Variants in SNX25 observed in about 807,000 individuals in gnomAD.
SNX25 encodes sorting nexin 25.
A neutral mutation model predicts 113.7 loss-of-function variants in SNX25; 62 were observed. The observed-to-expected ratio is 0.55, with a 90% confidence interval of 0.44 to 0.67. SNX25 has a LOEUF of 0.67. Among genes scored for constraint, SNX25 ranks in the 30% least tolerant of loss-of-function variants. The pLI, the probability that SNX25 is intolerant of heterozygous loss-of-function variation, is 0.00. For missense variants in SNX25, 1,014 were observed against 1,161.0 expected (o/e 0.87, Z 1.84); for synonymous variants, 421 against 436.2 (o/e 0.97, Z 0.43).
intron 1 of SNX25, among the ~76,000 whole-genome samples, chr4:185,245,528 G>A (rs1417372056): frequency 1.3e-5 from 2 of 152,012 alleles, no homozygotes; most frequent in African/African-American, 4.8e-5. Flanking sequence ...AGTAGAGACG[G>A]GGGTCTCACT....
Position 185,346,706 on chromosome 4 carries a change from A to G in SNX25, c.2301+56A>G, listed in dbSNP as rs780723617. On this transcript the variant is annotated intron_variant, in intron 13 of 18. Transcript: ENST00000652585. The stretch of plus-strand genomic sequence containing the variant: ...GAAAAAATTAGTTATTTAGGGTTAA[A>G]CTGTCATCATTCTACGAGCTTGGTA... The G allele has an allele frequency of 1.4e-4, 154 of 1,124,336 alleles. No homozygotes were observed. The Middle Eastern group carries it at 4.3e-3, about 31-fold the overall frequency. The allele number at this position is 1,124,336 out of a possible 1,614,324, so 69.6% of individuals were successfully genotyped here. A position where few individuals can be genotyped will look rare whatever the true frequency, so the allele number is the denominator to read the frequency against.
chr4:185,312,779 C>T (rs925106183), intron 7 of SNX25, among the ~76,000 whole-genome samples: 3 of 152,192 alleles, frequency 2.0e-5, no homozygotes, highest in African/African-American at 7.2e-5. Context: ...CCCACCTCAG[C>T]ATTCCAGTGT....
intron 5 of SNX25, among the ~76,000 whole-genome samples, chr4:185,272,778 TGAG>T (rs1200377052): frequency 6.6e-6 from 1 of 152,224 alleles, no homozygotes; most frequent in Non-Finnish European, 1.5e-5. Context: ...GAAACTCTGT[TGAG>T]GAGAATATTG....
chr4:185,347,967 A>G (rs1169135394), intron 13 of SNX25, among the ~76,000 whole-genome samples: 1 of 152,110 alleles, frequency 6.6e-6, no homozygotes, highest in Non-Finnish European at 1.5e-5. Flanking sequence ...AGCCCACTTT[A>G]TCATTTTTTT....
chr4:185,338,350 C>G (rs1325742532), intron 10 of SNX25, among the ~76,000 whole-genome samples: 2 of 151,164 alleles, frequency 1.3e-5, no homozygotes, highest in Admixed American at 1.3e-4. Flanking sequence ...ATCTCGGCTC[C>G]CTGCAACCTC....
At chr4:185,322,019 C>A (rs956011183) in intron 8 of SNX25, among the ~76,000 whole-genome samples, 1 of 152,204 alleles carries the variant, frequency 6.6e-6, no homozygotes, top group African/African-American at 2.4e-5. Context: ...TAGAACCAAT[C>A]TTCCATAGAT....
chr4:185,370,672 C>T (rs753922441), downstream of SNX25: 8 of 1,613,958 alleles, frequency 5.0e-6, no homozygotes, highest in South Asian at 3.3e-5. Context: ...GTTGTTTCAT[C>T]CCTGGTGATG....
At chr4:185,299,161 GC>G (rs903530294) in intron 6 of SNX25, among the ~76,000 whole-genome samples, 1 of 152,198 alleles carries the variant, frequency 6.6e-6, no homozygotes, top group African/African-American at 2.4e-5. Context: ...AGTCATAAAG[GC>G]GAGAGGCTCT....
chr4:185,217,622 T>C (rs3112890), intron 1 of SNX25, among the ~76,000 whole-genome samples: 96,006 of 151,898 alleles, frequency 0.63, 30,545 homozygotes, highest in East Asian at 0.73. Flanking sequence ...GATGTCACAT[T>C]GGTAATGGTA....
rs529607216 is a variant in SNX25, at chr4:185,220,043, A to G, written c.429+9788A>G. Among the ~76,000 whole-genome samples the G allele has an allele frequency of 2.6e-5, 4 of 151,186 alleles. No individual in the cohort carries two copies. In the South Asian group the frequency reaches 8.3e-4, roughly 31 times the overall value. ...GGTCATTCTTGAGGTCTCATTCTTCATTCTGTTACTTTAGGGCAGTCTCAA... is the reference window on the plus strand; with the variant it reads ...GGTCATTCTTGAGGTCTCATTCTTCGTTCTGTTACTTTAGGGCAGTCTCAA... On this transcript the variant is annotated intron_variant, in intron 1 of 18. Transcript: ENST00000652585.
intron 2 of SNX25, among the ~76,000 whole-genome samples, chr4:185,251,969 T>G (rs150172120): frequency 3.9e-5 from 6 of 152,170 alleles, no homozygotes; most frequent in African/African-American, 1.4e-4. Context: ...CTTTTTTTTT[T>G]CTTTTTTTTT....
At chr4:185,242,931 C>T (rs1305787600) in intron 1 of SNX25, among the ~76,000 whole-genome samples, 1 of 152,128 alleles carries the variant, frequency 6.6e-6, no homozygotes, top group Non-Finnish European at 1.5e-5. Context: ...TTATTTTTGG[C>T]CCATGAGGTG....
chr4:185,349,076 TC>T (rs1197992620), intron 13 of SNX25, among the ~76,000 whole-genome samples: 2 of 152,158 alleles, frequency 1.3e-5, no homozygotes, highest in African/African-American at 4.8e-5. Flanking sequence ...ATCATGTATA[TC>T]GGGGGGTTCG....
intron 6 of SNX25, among the ~76,000 whole-genome samples, chr4:185,305,455 A>T (rs576580017): frequency 5.3e-5 from 8 of 152,240 alleles, no homozygotes; most frequent in African/African-American, 1.4e-4. Flanking sequence ...ATTTTAATCC[A>T]GTTGTACTAT....
chr4:185,372,101 T>G (rs2095418144), downstream of SNX25, among the ~76,000 whole-genome samples: 1 of 152,236 alleles, frequency 6.6e-6, no homozygotes, highest in East Asian at 1.9e-4. Context: ...CTTTTAACCA[T>G]ATTCTCATGT....
At chr4:185,345,661 C>T (rs914249157) in intron 12 of SNX25, among the ~76,000 whole-genome samples, 1 of 151,846 alleles carries the variant, frequency 6.6e-6, no homozygotes, top group Non-Finnish European at 1.5e-5. Flanking sequence ...CATGGTGGTG[C>T]ATGCTTGTAG....
In SNX25 at chr4:185,215,466, A is replaced by G. The variant is rs560278656; in HGVS notation, c.429+5211A>G. Among the ~76,000 whole-genome samples, 11 of 152,316 alleles carry G rather than the reference A, an allele frequency of 7.2e-5. No individual in the cohort carries two copies. The South Asian group carries it at 2.1e-3, about 29-fold the overall frequency. On this transcript the variant is annotated intron_variant, in intron 1 of 18. Coordinates refer to ENST00000652585, the MANE Select transcript of SNX25 (RefSeq NM_001378034.2). ...TCAGATGGCTAGGATTCCTAAATGA[A>G]TTCTTTTACTAATACAAATGTTCTT... is the stretch of plus-strand genomic sequence containing the variant.
chr4:185,286,474 T>A (rs72709980), intron 5 of SNX25, among the ~76,000 whole-genome samples: 6,618 of 152,240 alleles, frequency 0.043, 184 homozygotes, highest in East Asian at 0.14. Flanking sequence ...GTTGCATCCT[T>A]GTTTTACACA....
Position 185,259,367 on chromosome 4 carries a change from G to T in SNX25, c.731+303G>T, listed in dbSNP as rs1397344637. ...ACTAGAAATAAAAAATTTAAATGTA[G>T]TGTTTTCTAATATGAACAGTGTGAA... On this transcript the variant is annotated intron_variant, in intron 3 of 18. Transcript: ENST00000652585. Among the ~76,000 whole-genome samples the T allele has an allele frequency of 2.0e-5, 3 of 152,196 alleles. No homozygotes were observed. In the South Asian group the frequency reaches 6.2e-4, roughly 32 times the overall value.
Sources: gnomAD v4.1 joint callset for allele counts (sites outside exome capture counted in the v4.1 genomes callset) on GRCh38, gnomAD v4.1.1 for gene constraint, MANE v1.5 for transcripts, NCBI Gene and HGNC (gene_info 2026-07-23, HGNC 2026-07-21) for gene names.